Variants in CFAP65 observed in about 807,000 individuals in gnomAD.
CFAP65 encodes the protein cilia- and flagella-associated protein 65.
In CFAP65, 155 loss-of-function variants were observed where a neutral mutation model predicts 208.0. The observed-to-expected ratio is 0.75, with a 90% CI of 0.65 to 0.85. The LOEUF (loss-of-function observed/expected upper bound fraction) is 0.85. Ranked by LOEUF, CFAP65 falls within the 40% of genes least tolerant of loss-of-function variation. CFAP65 has a pLI of 0.00. For synonymous variants in CFAP65, 970 were observed against 986.3 expected (o/e 0.98, Z 0.31); for missense variants, 2,294 against 2,451.3 (o/e 0.94, Z 1.36).
intron 3 of CFAP65, 80 bp from the exon 4 acceptor site, chr2:219,038,658 C>T (rs970482889): frequency 7.4e-7 from 1 of 1,354,488 alleles, no homozygotes; most frequent in African/African-American, 1.4e-5. Context: ...CATGGCCATC[C>T]TTGTCATGGA....
At chr2:219,020,080 C>G (rs1947179791) in intron 19 of CFAP65, among the ~76,000 whole-genome samples, 1 of 149,898 alleles carries the variant, frequency 6.7e-6, no homozygotes. Context: ...CAGAGTTGTG[C>G]AACCATCACC....
At chr2:219,017,451 G>A (rs547492811) in intron 21 of CFAP65, among the ~76,000 whole-genome samples, 12 of 152,314 alleles carry the variant, frequency 7.9e-5, no homozygotes, top group African/African-American at 2.4e-4. Context: ...AAAACCCTCC[G>A]TCTGTTCTTT....
chr2:219,023,120 A>G, intron 16 of CFAP65, 87 bp downstream of exon 16: 1 of 1,152,702 alleles, frequency 8.7e-7, no homozygotes, highest in Non-Finnish European at 1.3e-6. Context: ...TGGGGGCTGC[A>G]CATGGCAAGT....
chr2:219,011,510 G>T (rs1946484303), intron 24 of CFAP65, among the ~76,000 whole-genome samples: 1 of 151,868 alleles, frequency 6.6e-6, no homozygotes, highest in African/African-American at 2.4e-5. Context: ...TTGAACTCGT[G>T]GCCTCAAGCA....
intron 24 of CFAP65, among the ~76,000 whole-genome samples, chr2:219,011,448 A>AAT (rs1051538899): frequency 4.0e-5 from 6 of 151,452 alleles, no homozygotes; most frequent in Non-Finnish European, 7.4e-5. Flanking sequence ...CTGCTTCAAA[A>AAT]ATATATATAT....
intron 20 of CFAP65, 121 bp from the exon 21 acceptor site, chr2:219,019,300 G>A: frequency 7.5e-7 from 1 of 1,328,612 alleles, no homozygotes. Context: ...CTGGGACTCA[G>A]GCGCAAGGGT....
At chr2:219,028,108 C>A (rs1947769134) in intron 12 of CFAP65, 93 bp downstream of exon 12, 4 of 1,558,336 alleles carry the variant, frequency 2.6e-6, no homozygotes, top group Non-Finnish European at 2.6e-6. Context: ...CACCAGTCGC[C>A]CTGACTACTA....
intron 4 of CFAP65, among the ~76,000 whole-genome samples, chr2:219,037,253 A>C (rs766066974): frequency 6.6e-6 from 1 of 152,040 alleles, no homozygotes; most frequent in Admixed American, 6.6e-5. Context: ...TTAGCCGGGC[A>C]TGGTAGCAGG....
intron 2 of CFAP65, 135 bp downstream of exon 2, chr2:219,040,384 T>C: frequency 1.5e-6 from 1 of 671,232 alleles, no homozygotes; most frequent in Non-Finnish European, 2.8e-6. Context: ...TTGACCCTGG[T>C]TTTCCTAGTT....
chr2:219,010,826 A>G lies in CFAP65; in HGVS notation c.4128T>C (p.Pro1376=). 6.2e-7 allele frequency: 1 copy of G among 1,606,728 alleles called. No individual in the cohort carries two copies. Among genetic ancestry groups the G allele is most frequent in the Non-Finnish European group, 8.5e-7 (1 of 1,175,268 alleles). ...STARVLWIFS[P]IEAKTYTVDV... is the part of the protein sequence containing the mutation. ...TCACCGTGTAGGTCTTGGCCTCGAT[A>G]GGTGAGAAGATCCACAAGACCCGGG... The change falls in exon 25 of 35, where the codon CCT becomes CCC. Residue 1376 remains proline (P), a synonymous_variant. Transcript: ENST00000341552.
At chr2:219,030,305 G>T in intron 9 of CFAP65, 97 bp from the exon 10 acceptor site, 3 of 1,283,224 alleles carry the variant, frequency 2.3e-6, no homozygotes, top group South Asian at 1.3e-5. Context: ...CTAGCCAAGG[G>T]GGTGGGGGCA....
chr2:219,011,792 C>T (rs1390633203), intron 24 of CFAP65, among the ~76,000 whole-genome samples: 1 of 152,356 alleles, frequency 6.6e-6, no homozygotes, highest in East Asian at 1.9e-4. Context: ...TGAGCACTCA[C>T]TCCTGAGCAT....
rs976705280 is a variant in CFAP65 at position 219,031,007 on chromosome 2, G to A, written c.1015+99C>T. ...GGGAGGGCAGGAGGCCGGTGGAGGC[G>A]GGGGCCAGGCCAGATGGGAGGTGGG... On this transcript the variant is annotated intron_variant, in intron 8 of 34. Transcript: ENST00000341552. This position sits in a 1 kb window ranked among gnomAD's most constrained non-coding sequence, Gnocchi z 5.2. The A allele has an allele frequency of 4.2e-5, 61 of 1,437,856 alleles. No homozygotes were observed. The highest frequency in any genetic ancestry group is 1.6e-4 in the South Asian group (12 of 76,272). The allele number at this position is 1,437,856 out of a possible 1,614,324, so 89.1% of individuals were successfully genotyped here.
intron 11 of CFAP65, 100 bp from the exon 12 acceptor site, chr2:219,028,501 A>T: frequency 1.9e-6 from 2 of 1,055,396 alleles, no homozygotes; most frequent in South Asian, 2.7e-5. Flanking sequence ...AGACAGGATA[A>T]CAGAGGCAGT....
At chr2:219,039,113 T>C (rs1948535420) in intron 2 of CFAP65, 63 bp from the exon 3 acceptor site, 2 of 1,411,632 alleles carry the variant, frequency 1.4e-6, no homozygotes, top group African/African-American at 2.8e-5. Context: ...CCTCGATGAC[T>C]GTAGCTGAAA....
intron 2 of CFAP65, 163 bp from the exon 3 acceptor site, chr2:219,039,213 T>C (rs1948541647): frequency 1.9e-6 from 1 of 533,540 alleles, no homozygotes; most frequent in Admixed American, 4.0e-5. Context: ...ATGTCTGTTT[T>C]CCAGGAGGAA....
chr2:219,022,472 A>T (rs1947333823), intron 16 of CFAP65, 143 bp from the exon 17 acceptor site: 7 of 859,946 alleles, frequency 8.1e-6, no homozygotes, highest in Non-Finnish European at 1.1e-5. Context: ...TACACGGCAC[A>T]TGTATGGAGT....
chr2:219,029,178 C>T (rs759111174), intron 11 of CFAP65, among the ~76,000 whole-genome samples: 2 of 152,224 alleles, frequency 1.3e-5, no homozygotes, highest in African/African-American at 2.4e-5. Context: ...AGCAGCAAAG[C>T]GCCTGGCCTG....
intron 2 of CFAP65, chr2:219,039,276 C>T (rs376496816): frequency 1.1e-5 from 4 of 357,682 alleles, no homozygotes; most frequent in African/African-American, 8.4e-5. Flanking sequence ...CAATCTAAGG[C>T]ACACAAAGTA....
Sources: allele counts gnomAD v4.1 joint callset (sites outside exome capture counted in the v4.1 genomes callset), GRCh38; gene constraint gnomAD v4.1.1; non-coding constraint Gnocchi (gnomAD v3.1); transcripts MANE v1.5; gene names NCBI Gene and HGNC (gene_info 2026-07-23, HGNC 2026-07-21).